The following MACF1 variants were observed in gnomAD, a reference collection of about 807,000 sequenced individuals.
The protein encoded by MACF1 is microtubule-actin cross-linking factor 1.
MACF1 carries 193 observed loss-of-function variants against 854.8 expected under a neutral mutation model. The observed-to-expected ratio is 0.23, with a 90% CI of 0.20 to 0.25. The LOEUF is 0.25. Among genes scored for constraint, MACF1 ranks in the 10% least tolerant of loss-of-function variants. The pLI is 1.00. For synonymous variants in MACF1, 3,185 were observed against 3,226.7 expected, an observed-to-expected ratio of 0.99 and a Z score of 0.44; for missense variants, 7,722 against 8,929.1, an observed-to-expected ratio of 0.86 and a Z score of 5.45.
At chr1:39,234,392 G>A (rs1227724108) in intron 2 of MACF1, among the ~76,000 whole-genome samples, 2 of 150,814 alleles carry the variant, frequency 1.3e-5, no homozygotes, top group Admixed American at 6.6e-5. Flanking sequence ...CTCACCTTCC[G>A]GGCGGGGCGG....
At chr1:39,091,366 A>G (rs1641797904) in intron 2 of MACF1, among the ~76,000 whole-genome samples, 1 of 152,198 alleles carries the variant, frequency 6.6e-6, no homozygotes, top group Admixed American at 6.5e-5. Flanking sequence ...GACGTTAGTC[A>G]CTTCATTGAG....
Position 39,105,367 on chromosome 1 carries a change from G to A in MACF1, c.220+20929G>A, listed in dbSNP as rs1002593490. 1.2e-4 allele frequency: 114 copies of A among 979,196 alleles called. No homozygotes were observed. Among genetic ancestry groups the A allele is most frequent in the Admixed American group, 2.5e-4 (4 of 16,132 alleles). The allele number at this position is 979,196 out of a possible 1,614,324, so 60.7% of individuals were successfully genotyped here. On this transcript the variant is annotated intron_variant, in intron 2 of 93. Coordinates refer to the MACF1 transcript ENST00000361689. The surrounding 1 kb of genome is among the most constrained non-coding windows in gnomAD (Gnocchi z 5.9). ...CTGCAGCCGCGCCGGGGCGGGCTGA[G>A]GGAGGAGCGGAGCCGAGGGGTGAGG...
chr1:39,404,767 G>A (rs1360645960), intron 58 of MACF1, among the ~76,000 whole-genome samples: 1 of 152,164 alleles, frequency 6.6e-6, no homozygotes, highest in Non-Finnish European at 1.5e-5. Context: ...TTACAGGTGT[G>A]AGCCATTGAG....
intron 97 of MACF1, 148 bp downstream of exon 97, chr1:39,469,763 A>G: frequency 1.5e-6 from 1 of 659,030 alleles, no homozygotes; most frequent in Non-Finnish European, 2.7e-6. Context: ...CTAACTACTC[A>G]AGTTGATGGT....
rs1306726934 is a variant in MACF1, at chr1:39,204,861, G to C, written c.-162G>C. The C allele has an allele frequency of 1.7e-6, 1 of 605,544 alleles. No homozygotes were observed. Among genetic ancestry groups the C allele is most frequent in the Non-Finnish European group, 2.9e-6 (1 of 340,738 alleles). The allele number at this position is 605,544 out of a possible 1,614,324, so 37.5% of individuals were successfully genotyped here. A position where few individuals can be genotyped will look rare whatever the true frequency, so the allele number is the denominator to read the frequency against. On this transcript the variant is annotated 5_prime_UTR_variant, in exon 1 of 101. Coordinates refer to ENST00000564288, the MANE Select transcript of MACF1 (RefSeq NM_001394062.1). Reference sequence around the variant, plus strand: ...AGCGCCTGCTGAAAAACAGTCAGAAGTGAGATGGAGGAGAAGCTGCCAGGA... The same window carrying C: ...AGCGCCTGCTGAAAAACAGTCAGAACTGAGATGGAGGAGAAGCTGCCAGGA...
chr1:39,327,968 T>C (rs1646647522), intron 36 of MACF1, among the ~76,000 whole-genome samples: 1 of 152,210 alleles, frequency 6.6e-6, no homozygotes, highest in Non-Finnish European at 1.5e-5. Context: ...TGTGTACACT[T>C]ACCATATTAT....
At chr1:39,414,189 C>T (rs1406768574) in intron 58 of MACF1, 2 of 1,613,206 alleles carry the variant, frequency 1.2e-6, no homozygotes, top group African/African-American at 1.3e-5. Context: ...TGGCTGCCAT[C>T]CCTGCTGCTT....
chr1:39,364,373 G>T (rs1459256691), intron 49 of MACF1, among the ~76,000 whole-genome samples: 1 of 145,214 alleles, frequency 6.9e-6, no homozygotes, highest in African/African-American at 2.5e-5. Flanking sequence ...AATTTTTAAA[G>T]TTTTTTTTTT....
At chr1:39,254,801 CT>C (rs1645079800) in intron 5 of MACF1, among the ~76,000 whole-genome samples, 2 of 152,142 alleles carry the variant, frequency 1.3e-5, no homozygotes, top group Admixed American at 1.3e-4. Flanking sequence ...AGAAAAAGGT[CT>C]AAGTTGTTAA....
chr1:39,341,591 G>A (rs1646936957), intron 40 of MACF1, among the ~76,000 whole-genome samples: 1 of 151,596 alleles, frequency 6.6e-6, no homozygotes, highest in South Asian at 2.1e-4. Context: ...CCAGCTACTT[G>A]GGAGCCTGAG....
intron 2 of MACF1, among the ~76,000 whole-genome samples, chr1:39,119,419 T>C (rs200336779): frequency 1.9e-5 from 1 of 52,510 alleles, no homozygotes; most frequent in Non-Finnish European, 7.2e-5. Context: ...ATTTCTTAGT[T>C]TGTTGTTGTT....
intron 2 of MACF1, among the ~76,000 whole-genome samples, chr1:39,090,989 TGAAAGC>T (rs373410013): frequency 0.88 from 133,540 of 152,144 alleles, 58,913 homozygotes; most frequent in East Asian, 1. Context: ...CCTGCCAGCC[TGAAAGC>T]CCTGTCTTGG....
intron 58 of MACF1, chr1:39,410,785 G>T (rs374851288): frequency 4.3e-6 from 7 of 1,614,010 alleles, no homozygotes; most frequent in East Asian, 2.2e-5. Context: ...GTCCAGTTCT[G>T]CATTAACAGA....
intron 68 of MACF1, 106 bp from the exon 69 acceptor site, chr1:39,434,308 A>G: frequency 4.2e-6 from 2 of 473,596 alleles, no homozygotes; most frequent in South Asian, 5.9e-5. Context: ...AAAATAATTT[A>G]GTTATGTATT....
Position 39,204,912 on chromosome 1 carries a change from C to T in MACF1, c.-111C>T, listed in dbSNP as rs1644432946. ...AGTTTCTGACAACACTAAGCTCCGG[C>T]CTCTGCCTCTGCTGATAGTACAGGA... On this transcript the variant is annotated 5_prime_UTR_variant, in exon 1 of 101. Coordinates refer to ENST00000564288, the MANE Select transcript of MACF1 (RefSeq NM_001394062.1). 3.1e-6 allele frequency: 2 copies of T among 641,982 alleles called. No individual in the cohort carries two copies. Among genetic ancestry groups the T allele is most frequent in the Middle Eastern group, 2.6e-4 (1 of 3,888 alleles). 39.8% of individuals were successfully genotyped at this position (641,982 alleles called of 1,614,324 possible).
chr1:39,357,398 C>T lies in MACF1; in HGVS notation c.11448C>T (p.Ser3816=), dbSNP rs202073883. 5 of 1,612,898 alleles carry T rather than the reference C, an allele frequency of 3.1e-6. No individual in the cohort carries two copies. The highest frequency in any genetic ancestry group is 1.3e-5 in the African/African-American group (1 of 74,880). The change falls in exon 45 of 101, where the codon TCC becomes TCT. Residue 3816 remains serine, a synonymous_variant. Transcript: ENST00000564288. ...MMKARHQELL[S]QQQNFILATQ... ...AGGCCCGTCACCAAGAATTGCTGTCCCAGCAGCAAAATTTCATTCTGGCCA... is the reference window on the plus strand; with the variant it reads ...AGGCCCGTCACCAAGAATTGCTGTCTCAGCAGCAAAATTTCATTCTGGCCA...
chr1:39,349,354 C>G, intron 41 of MACF1, 124 bp from the exon 42 acceptor site: 1 of 916,292 alleles, frequency 1.1e-6, no homozygotes, highest in African/African-American at 1.7e-5. Flanking sequence ...TTTTCCTATT[C>G]TAGTCTCCCA....
intron 2 of MACF1, among the ~76,000 whole-genome samples, chr1:39,195,657 TAGG>T (rs1644310006): frequency 6.6e-6 from 1 of 152,120 alleles, no homozygotes; most frequent in South Asian, 2.1e-4. Flanking sequence ...TCTATAGAAA[TAGG>T]AGTTTAATAT....
chr1:39,260,367 C>CT lies in MACF1; in HGVS notation c.528+2354dup, dbSNP rs772459109. ...CCCATTATTTCTTTCTTTTTCTTTT[C>CT]TTTTTTTTTTTTTTTGAAGCAGATT... On this transcript the variant is annotated intron_variant, in intron 6 of 100. Transcript: ENST00000564288. 6.8e-3 allele frequency: 944 copies of CT among 139,842 alleles called. 3 individuals are homozygous for CT. The highest frequency in any genetic ancestry group is 0.013 in the African/African-American group (483 of 38,378). The allele number at this position is 139,842 out of a possible 1,614,324, so 8.7% of individuals were successfully genotyped here.
Sources: allele counts gnomAD v4.1 joint callset (sites outside exome capture counted in the v4.1 genomes callset), GRCh38; gene constraint gnomAD v4.1.1; non-coding constraint Gnocchi (gnomAD v3.1); transcripts MANE v1.5; gene names NCBI Gene and HGNC (gene_info 2026-07-23, HGNC 2026-07-21).